TLL2: variants seen among roughly 807,000 people sequenced by gnomAD.
TLL2 encodes the protein tolloid-like protein 2.
In TLL2, 106 loss-of-function variants were observed where a neutral mutation model predicts 123.0. The ratio of observed to expected loss-of-function variants is 0.86; its 90% confidence interval spans 0.74 to 1.01. The LOEUF (loss-of-function observed/expected upper bound fraction) is 1.01, where lower values mean the gene tolerates loss of function less well. Ranked by LOEUF, TLL2 falls within the 50% of genes least tolerant of loss-of-function variation. The pLI is 0.00. For synonymous variants in TLL2, 494 were observed against 516.8 expected (o/e 0.96, Z 0.60); for missense variants, 1,332 against 1,336.7 (o/e 1.00, Z 0.06).
chr10:96,485,946 C>T (rs961212679), intron 1 of TLL2, among the ~76,000 whole-genome samples: 18 of 149,312 alleles, frequency 1.2e-4, no homozygotes, highest in African/African-American at 4.5e-4. Flanking sequence ...AGGAATACTT[C>T]TCAAACATTC....
intron 1 of TLL2, among the ~76,000 whole-genome samples, chr10:96,502,234 T>C (rs12217556): frequency 0.34 from 51,289 of 151,962 alleles, 8,848 homozygotes; most frequent in Middle Eastern, 0.55. Flanking sequence ...GGACAAGCAA[T>C]GACCAGAGCA....
intron 2 of TLL2, among the ~76,000 whole-genome samples, chr10:96,449,411 G>C (rs980838642): frequency 1.3e-5 from 2 of 152,214 alleles, no homozygotes. Context: ...TGAAGTCATG[G>C]GTCTAGCTCA....
At chr10:96,391,983 TCA>T (rs1449199355) in intron 13 of TLL2, among the ~76,000 whole-genome samples, 3 of 151,608 alleles carry the variant, frequency 2.0e-5, no homozygotes, top group Non-Finnish European at 4.4e-5. Flanking sequence ...AGACTGAGTC[TCA>T]CAGCCTCCAC....
At chr10:96,472,751 AAAAAAAAG>A (rs1174221192) in intron 2 of TLL2, among the ~76,000 whole-genome samples, 1 of 151,916 alleles carries the variant, frequency 6.6e-6, no homozygotes, top group East Asian at 1.9e-4. Flanking sequence ...ATCCTGTCTC[AAAAAAAAG>A]AAAAAAAGAA....
chr10:96,433,068 T>C, intron 3 of TLL2, 106 bp from the exon 4 acceptor site: 2 of 1,444,078 alleles, frequency 1.4e-6, no homozygotes. Context: ...TTAAAACATG[T>C]TCCAAAGGGG....
rs749840972 is a variant in TLL2, at chr10:96,405,244, CT to C, written c.1254del (p.Ala419ProfsTer50). ...AAAGTCAACTTACCCAAAAGGGGGGCTTTTCTCCAGTAACCATCCCGGACCT... is the reference window on the plus strand; with the variant it reads ...AAAGTCAACTTACCCAAAAGGGGGGCTTTCTCCAGTAACCATCCCGGACCT... ...YVEVRDGYWR[K>X]APLLGRFCGD... On this transcript the variant is annotated frameshift_variant, in exon 10 of 21. Transcript: ENST00000357947. LOFTEE classifies it high-confidence loss of function. 8.7e-6 allele frequency: 14 copies of C among 1,614,142 alleles called. No homozygotes were observed. In the South Asian group the frequency reaches 1.4e-4, roughly 16 times the overall value.
intron 1 of TLL2, among the ~76,000 whole-genome samples, chr10:96,509,487 G>A (rs1248220803): frequency 6.6e-6 from 1 of 152,194 alleles, no homozygotes. Flanking sequence ...GGGGTCAGGG[G>A]CCCATTGCCT....
At chr10:96,492,969 C>T (rs541286746) in intron 1 of TLL2, among the ~76,000 whole-genome samples, 1 of 152,344 alleles carries the variant, frequency 6.6e-6, no homozygotes, top group South Asian at 2.1e-4. Context: ...AGGGAGCTCA[C>T]GCCCTTCCAT....
intron 9 of TLL2, among the ~76,000 whole-genome samples, chr10:96,406,407 C>T (rs1467546674): frequency 6.6e-6 from 1 of 152,116 alleles, no homozygotes; most frequent in African/African-American, 2.4e-5. Context: ...TCCTCATCTC[C>T]AGCCCTGACC....
intron 3 of TLL2, among the ~76,000 whole-genome samples, chr10:96,436,964 G>A (rs906215857): frequency 6.6e-6 from 1 of 152,046 alleles, no homozygotes; most frequent in African/African-American, 2.4e-5. Context: ...GGGATTACAG[G>A]CATGCACCAC....
intron 4 of TLL2, among the ~76,000 whole-genome samples, chr10:96,430,356 T>C (rs1011552482): frequency 5.9e-5 from 9 of 152,206 alleles, no homozygotes; most frequent in Non-Finnish European, 1.0e-4. Context: ...ATTGCAAGCT[T>C]CCTGAGGCCT....
intron 19 of TLL2, 63 bp downstream of exon 19, chr10:96,373,533 A>G: frequency 2.6e-6 from 4 of 1,512,466 alleles, no homozygotes; most frequent in Non-Finnish European, 3.7e-6. Context: ...TCGTGCCTTC[A>G]CCATTTCTCT....
At chr10:96,444,911 C>G (rs779687364) in intron 3 of TLL2, among the ~76,000 whole-genome samples, 5 of 152,118 alleles carry the variant, frequency 3.3e-5, no homozygotes, top group Non-Finnish European at 5.9e-5. Context: ...ATTCCTTGGC[C>G]AGGTGCGGTG....
At chr10:96,443,745 AC>A (rs1846870276) in intron 3 of TLL2, among the ~76,000 whole-genome samples, 1 of 152,258 alleles carries the variant, frequency 6.6e-6, no homozygotes, top group Non-Finnish European at 1.5e-5. Flanking sequence ...CATTTTTACC[AC>A]TAAGTGCTGA....
intron 1 of TLL2, among the ~76,000 whole-genome samples, chr10:96,502,441 G>T (rs542601661): frequency 6.6e-6 from 1 of 152,332 alleles, no homozygotes; most frequent in African/African-American, 2.4e-5. Context: ...CCAGGTGTGA[G>T]CTTGGACCAG....
intron 5 of TLL2, among the ~76,000 whole-genome samples, chr10:96,427,016 G>C (rs556465418): frequency 5.3e-4 from 80 of 152,264 alleles, no homozygotes; most frequent in African/African-American, 1.8e-3. Flanking sequence ...CTTTTGTCCA[G>C]ACATAGCTTT....
intron 7 of TLL2, among the ~76,000 whole-genome samples, chr10:96,419,763 A>C (rs528069950): frequency 3.9e-5 from 6 of 152,170 alleles, no homozygotes; most frequent in Admixed American, 3.3e-4. Flanking sequence ...TGCTTTTGGC[A>C]GCCTTACCCA....
rs552350914 is a variant in TLL2, at chr10:96,435,491, T to C, written c.365-2529A>G. ...AGTCCAATTTATCTATGATCTTCTT[T>C]TGTTGCTTGTGCTTTTGGTGTCATA... is the stretch of plus-strand genomic sequence containing the variant. On this transcript the variant is annotated intron_variant, in intron 3 of 20. Transcript: ENST00000357947. Among the ~76,000 whole-genome samples, 15 of 152,358 alleles carry C rather than the reference T, an allele frequency of 9.8e-5. No homozygotes were observed. In the South Asian group the frequency reaches 2.9e-3, roughly 30 times the overall value.
chr10:96,416,533 G>A (rs1200889344), intron 7 of TLL2, among the ~76,000 whole-genome samples: 15 of 152,216 alleles, frequency 9.9e-5, no homozygotes, highest in Admixed American at 9.8e-4. Context: ...GTCATGGAGA[G>A]GCAGGCCAGG....
Sources: allele counts gnomAD v4.1 joint callset (sites outside exome capture counted in the v4.1 genomes callset), GRCh38; gene constraint gnomAD v4.1.1; transcripts MANE v1.5; gene names NCBI Gene and HGNC (gene_info 2026-07-23, HGNC 2026-07-21).